ENOX2: variants seen among roughly 807,000 people sequenced by gnomAD.
The protein encoded by ENOX2 is ecto-NOX disulfide-thiol exchanger 2.
ENOX2 carries 36 observed loss-of-function variants against 45.0 expected under a neutral mutation model. That is an observed-to-expected ratio of 0.80 (90% CI 0.61 to 1.06). The LOEUF is 1.06. ENOX2 is among the 50% of genes least tolerant of loss of function. The pLI is 0.00. For missense variants in ENOX2, 423 were observed against 462.5 expected, an observed-to-expected ratio of 0.91 and a Z score of 0.78; for synonymous variants, 174 against 152.3, an observed-to-expected ratio of 1.14 and a Z score of -1.05.
intron 2 of ENOX2, among the ~76,000 whole-genome samples, chrX:130,859,573 C>T (rs1019345736): frequency 6.3e-5 from 7 of 111,783 alleles, no homozygotes; most frequent in African/African-American, 2.3e-4. Flanking sequence ...ATACTTCAGG[C>T]ACAATGGACT....
At chrX:130,774,316 C>T (rs1015187505) in intron 3 of ENOX2, among the ~76,000 whole-genome samples, 1 of 111,666 alleles carries the variant, frequency 9.0e-6, no homozygotes. Flanking sequence ...GACACCTGGC[C>T]CCATTTTCAT....
In ENOX2 at chrX:130,652,847, T is replaced by C. The variant is rs942362112; in HGVS notation, c.1129+3734A>G. On this transcript the variant is annotated intron_variant, in intron 10 of 14. Coordinates refer to ENST00000394363, the MANE Select transcript of ENOX2 (RefSeq NM_006375.4). ...CTACCAGACAAGGAACATCAAAGATTGCTGGAAAATGACCAGAAACTAGGA... is the reference window on the plus strand; with the variant it reads ...CTACCAGACAAGGAACATCAAAGATCGCTGGAAAATGACCAGAAACTAGGA... 2.7e-5 allele frequency among the ~76,000 whole-genome samples: 3 copies of C among 112,170 alleles called. No homozygotes were observed. In the Admixed American group the frequency reaches 2.8e-4, roughly 11 times the overall value.
At chrX:130,740,333 G>A (rs1275075788) in intron 3 of ENOX2, among the ~76,000 whole-genome samples, 1 of 110,613 alleles carries the variant, frequency 9.0e-6, no homozygotes, top group East Asian at 2.8e-4. Context: ...CCTGGGAGGC[G>A]GAGGTTGCTG....
At chrX:130,800,497 C>G (rs1046363981) in intron 2 of ENOX2, among the ~76,000 whole-genome samples, 7 of 111,749 alleles carry the variant, frequency 6.3e-5, no homozygotes, top group African/African-American at 2.3e-4. Flanking sequence ...CTTTAATAAA[C>G]TAATGAATCT....
chrX:130,874,563 C>A (rs773652813), intron 2 of ENOX2, among the ~76,000 whole-genome samples: 1 of 111,847 alleles, frequency 8.9e-6, no homozygotes, highest in Non-Finnish European at 1.9e-5. Context: ...AAAGATAATA[C>A]CCTTTTCAGG....
intron 3 of ENOX2, chrX:130,709,162 G>T: frequency 2.3e-6 from 2 of 860,995 alleles, no homozygotes; most frequent in Non-Finnish European, 3.5e-6. Context: ...ACTGTGACTA[G>T]CTCAAAGTAG....
At chrX:130,658,727 T>C (rs984880788) in intron 9 of ENOX2, among the ~76,000 whole-genome samples, 67 of 112,358 alleles carry the variant, frequency 6.0e-4, no homozygotes, top group African/African-American at 2.1e-3. Flanking sequence ...TATTTAAAGT[T>C]CATGAAGAAA....
rs376689049 is a variant in ENOX2, at chrX:130,644,992, T to TG, written c.1130-7583dup. Reference sequence around the variant, plus strand: ...CCATTTTGGTGAAGGATGTTGATAGTGGGGGATACTGTGCTTTTATAGGGA... The same window carrying TG: ...CCATTTTGGTGAAGGATGTTGATAGTGGGGGGATACTGTGCTTTTATAGGGA... On this transcript the variant is annotated intron_variant, in intron 10 of 14. Coordinates refer to ENST00000394363, the MANE Select transcript of ENOX2 (RefSeq NM_006375.4). 3.8e-3 allele frequency among the ~76,000 whole-genome samples: 429 copies of TG among 111,434 alleles called. 2 individuals are homozygous for TG. The highest frequency in any genetic ancestry group is 0.014 in the African/African-American group (415 of 30,705).
chrX:130,728,049 G>A (rs1348345690), intron 3 of ENOX2, among the ~76,000 whole-genome samples: 1 of 111,173 alleles, frequency 9.0e-6, no homozygotes, highest in African/African-American at 3.3e-5. Context: ...GTCAGTAGAG[G>A]GCGTTAGGGA....
At chrX:130,823,676 T>C (rs1349185612) in intron 2 of ENOX2, among the ~76,000 whole-genome samples, 1 of 112,007 alleles carries the variant, frequency 8.9e-6, no homozygotes, top group Non-Finnish European at 1.9e-5. Context: ...CCAACTTTGG[T>C]GTTACAGAAT....
intron 5 of ENOX2, among the ~76,000 whole-genome samples, chrX:130,681,728 T>C (rs1358701627): frequency 8.9e-6 from 1 of 112,228 alleles, no homozygotes; most frequent in Non-Finnish European, 1.9e-5. Context: ...CTATATTGCA[T>C]GTGGCTCAAT....
chrX:130,772,193 T>C (rs756489271), intron 3 of ENOX2, among the ~76,000 whole-genome samples: 1 of 112,282 alleles, frequency 8.9e-6, no homozygotes, highest in African/African-American at 3.2e-5. Context: ...TAGCAAAGGA[T>C]GACAGTCTTA....
chrX:130,805,410 G>A (rs980227291), intron 2 of ENOX2, among the ~76,000 whole-genome samples: 2 of 112,160 alleles, frequency 1.8e-5, no homozygotes, highest in African/African-American at 6.5e-5. Flanking sequence ...TAGGGAAAAT[G>A]TCTGAGACAG....
At chrX:130,750,935 C>T in intron 3 of ENOX2, among the ~76,000 whole-genome samples, 1 of 111,092 alleles carries the variant, frequency 9.0e-6, no homozygotes, top group Non-Finnish European at 1.9e-5. Context: ...TAATAAGTGT[C>T]CCTCTCTCTG....
At chrX:130,723,447 G>A (rs893366660) in intron 3 of ENOX2, among the ~76,000 whole-genome samples, 1 of 112,176 alleles carries the variant, frequency 8.9e-6, no homozygotes, top group South Asian at 3.7e-4. Context: ...CATTCATTAT[G>A]ATGATTCATC....
At chrX:130,809,856 C>T (rs1009967718) in intron 2 of ENOX2, among the ~76,000 whole-genome samples, 1 of 110,180 alleles carries the variant, frequency 9.1e-6, no homozygotes, top group Non-Finnish European at 1.9e-5. Flanking sequence ...AAAAATGGAG[C>T]GAGATGATTG....
At chrX:130,850,558 A>T (rs2078187214) in intron 2 of ENOX2, among the ~76,000 whole-genome samples, 1 of 112,102 alleles carries the variant, frequency 8.9e-6, no homozygotes, top group African/African-American at 3.2e-5. Flanking sequence ...ATATTAGAAT[A>T]AAAACAAAGC....
intron 10 of ENOX2, among the ~76,000 whole-genome samples, chrX:130,650,342 T>C (rs1184281755): frequency 1.8e-5 from 2 of 111,959 alleles, no homozygotes; most frequent in Non-Finnish European, 3.8e-5. Context: ...GAGCAGATAA[T>C]AATCTTCTCA....
chrX:130,761,527 C>A (rs138269663), intron 3 of ENOX2, among the ~76,000 whole-genome samples: 1 of 111,681 alleles, frequency 9.0e-6, no homozygotes, highest in Non-Finnish European at 1.9e-5. Flanking sequence ...ATAGCTCAGA[C>A]TGGTAATTTA....
Sources: allele counts gnomAD v4.1 joint callset (sites outside exome capture counted in the v4.1 genomes callset), GRCh38; gene constraint gnomAD v4.1.1; transcripts MANE v1.5; gene names NCBI Gene and HGNC (gene_info 2026-07-23, HGNC 2026-07-21).